The following STAU1 variants were observed in gnomAD, a reference collection of about 807,000 sequenced individuals.
The protein encoded by STAU1 is staufen double-stranded RNA binding protein 1.
Under a neutral mutation model 62.9 loss-of-function variants are expected in STAU1, and 13 were observed. The observed-to-expected ratio is 0.21, with a 90% confidence interval of 0.13 to 0.33. The LOEUF is 0.33. Among genes scored for constraint, STAU1 ranks in the 10% least tolerant of loss-of-function variants. STAU1 has a pLI of 1.00. For missense variants in STAU1, 571 were observed against 712.1 expected (o/e 0.80, Z 2.25); for synonymous variants, 269 against 265.1 (o/e 1.01, Z -0.14).
chr20:49,126,734 T>A (rs1468286882), intron 6 of STAU1, among the ~76,000 whole-genome samples: 5 of 151,760 alleles, frequency 3.3e-5, no homozygotes, highest in Non-Finnish European at 7.4e-5. Flanking sequence ...GATAAATAGA[T>A]CAACAGAACA....
At chr20:49,186,358 AT>A (rs2093787295) in intron 1 of STAU1, among the ~76,000 whole-genome samples, 1 of 151,958 alleles carries the variant, frequency 6.6e-6, no homozygotes, top group Admixed American at 6.6e-5. Context: ...AAAAAAAAAA[AT>A]TCAAACAAAC....
At chr20:49,164,581 C>T (rs553290538) in intron 3 of STAU1, among the ~76,000 whole-genome samples, 5 of 151,974 alleles carry the variant, frequency 3.3e-5, no homozygotes, top group Admixed American at 6.6e-5. Flanking sequence ...TGAACCACCA[C>T]GCCTGGCCAT....
chr20:49,127,222 C>T lies in STAU1; in HGVS notation c.610-2635G>A, dbSNP rs183341554. ...ATAAAAAATTAGCTGGGCGTGGTGG[C>T]GGGCACCTGTAATCCCAGCTACTTA... On this transcript the variant is annotated intron_variant, in intron 6 of 13. Coordinates refer to ENST00000371856, the MANE Select transcript of STAU1 (RefSeq NM_017453.4). Among the ~76,000 whole-genome samples the T allele has an allele frequency of 1.9e-3, 284 of 151,890 alleles. 3 individuals are homozygous for T. The highest frequency in any genetic ancestry group is 6.8e-3 in the Middle Eastern group (2 of 292).
chr20:49,186,148 C>T (rs955637709), intron 1 of STAU1, among the ~76,000 whole-genome samples: 2 of 152,048 alleles, frequency 1.3e-5, no homozygotes, highest in Non-Finnish European at 2.9e-5. Context: ...GAGTTCGAGA[C>T]CAGTCTGGCC....
chr20:49,135,721 G>T, intron 6 of STAU1, 112 bp downstream of exon 6: 1 of 784,610 alleles, frequency 1.3e-6, no homozygotes. Context: ...TAAATTTGGA[G>T]GTTCACATTA....
At chr20:49,138,109 C>T (rs552795069) in intron 5 of STAU1, among the ~76,000 whole-genome samples, 33 of 152,100 alleles carry the variant, frequency 2.2e-4, no homozygotes, top group Middle Eastern at 3.4e-3. Context: ...TGGCAAAACC[C>T]CATCTTTATA....
chr20:49,185,262 A>C (rs899810294), intron 1 of STAU1, among the ~76,000 whole-genome samples: 6 of 152,222 alleles, frequency 3.9e-5, no homozygotes, highest in African/African-American at 1.4e-4. Context: ...TTTGACACAA[A>C]GTTATCTCTA....
intron 5 of STAU1, among the ~76,000 whole-genome samples, chr20:49,138,238 C>G (rs1471694830): frequency 6.6e-6 from 1 of 151,988 alleles, no homozygotes; most frequent in African/African-American, 2.4e-5. Flanking sequence ...GCTATGATCA[C>G]GCCACTGCAT....
chr20:49,147,785 G>A (rs1022657341), intron 5 of STAU1, among the ~76,000 whole-genome samples: 10 of 152,232 alleles, frequency 6.6e-5, no homozygotes, highest in African/African-American at 2.4e-4. Flanking sequence ...GGTGTGTGCT[G>A]AATTTGGGTC....
At chr20:49,154,778 A>G (rs954276725) in intron 3 of STAU1, among the ~76,000 whole-genome samples, 3 of 151,784 alleles carry the variant, frequency 2.0e-5, no homozygotes, top group African/African-American at 7.3e-5. Flanking sequence ...AGGCAGAAGA[A>G]TGGTGTGAAC....
At chr20:49,217,149 C>G in the STAU1 span, among the ~76,000 whole-genome samples, 1 of 152,096 alleles carries the variant, frequency 6.6e-6, no homozygotes, top group South Asian at 2.1e-4. Context: ...GAAAAACAAG[C>G]AACCCCCCAC....
the STAU1 span, among the ~76,000 whole-genome samples, chr20:49,208,843 C>T: frequency 2.7e-5 from 4 of 149,920 alleles, no homozygotes; most frequent in African/African-American, 9.8e-5. Context: ...AGGATGGTCT[C>T]GATCTCCTGA....
intron 5 of STAU1, among the ~76,000 whole-genome samples, chr20:49,140,552 C>T (rs1568862958): frequency 2.0e-5 from 3 of 151,680 alleles, no homozygotes; most frequent in African/African-American, 2.4e-5. Flanking sequence ...ATAAGCCACA[C>T]ATTAAAAAAA....
At chr20:49,201,200 C>A in the STAU1 span, among the ~76,000 whole-genome samples, 1 of 151,560 alleles carries the variant, frequency 6.6e-6, no homozygotes, top group Non-Finnish European at 1.5e-5. Flanking sequence ...GATATATGAC[C>A]GAATATTTCA....
chr20:49,193,115 G>A (rs1448245039), upstream of STAU1, among the ~76,000 whole-genome samples: 1 of 152,046 alleles, frequency 6.6e-6, no homozygotes, highest in Admixed American at 6.6e-5. Context: ...AGTGACTCAC[G>A]CCTGTAATCC....
At chr20:49,125,903 G>A (rs779411035) in intron 6 of STAU1, among the ~76,000 whole-genome samples, 28 of 151,970 alleles carry the variant, frequency 1.8e-4, no homozygotes, top group Non-Finnish European at 3.4e-4. Context: ...GTAGACAGAC[G>A]GGATGAGACG....
intron 5 of STAU1, among the ~76,000 whole-genome samples, chr20:49,136,617 C>G (rs1225765499): frequency 6.6e-6 from 1 of 152,138 alleles, no homozygotes; most frequent in Non-Finnish European, 1.5e-5. Flanking sequence ...AAAATACAGA[C>G]AGATATATGT....
chr20:49,151,441 G>T, intron 5 of STAU1, 141 bp downstream of exon 5: 1 of 825,286 alleles, frequency 1.2e-6, no homozygotes, highest in Non-Finnish European at 1.7e-6. Flanking sequence ...AAGCTACAGA[G>T]CATAAAATCT....
At chr20:49,126,554 C>CA (rs1303319442) in intron 6 of STAU1, among the ~76,000 whole-genome samples, 25 of 13,850 alleles carry the variant, frequency 1.8e-3, no homozygotes, top group African/African-American at 8.5e-3. Context: ...GGCAACAGAG[C>CA]AAAACCTCGT....
Sources: gnomAD v4.1 joint callset for allele counts (sites outside exome capture counted in the v4.1 genomes callset) on GRCh38, gnomAD v4.1.1 for gene constraint, MANE v1.5 for transcripts, NCBI Gene and HGNC (gene_info 2026-07-23, HGNC 2026-07-21) for gene names.